The following HSPBAP1 variants were observed in gnomAD, a reference collection of about 807,000 sequenced individuals.
HSPBAP1 encodes the protein HSPB1 associated protein 1.
In HSPBAP1, 27 loss-of-function variants were observed where a neutral mutation model predicts 45.2. That is an observed-to-expected ratio of 0.60 (90% confidence interval 0.44 to 0.82). The LOEUF is 0.82. Ranked by LOEUF, HSPBAP1 falls within the 40% of genes least tolerant of loss-of-function variation. HSPBAP1 has a pLI of 0.00. For synonymous variants in HSPBAP1, 204 were observed against 202.7 expected (o/e 1.01, Z -0.06); for missense variants, 510 against 590.9 (o/e 0.86, Z 1.42).
In HSPBAP1 at chr3:122,793,714, G is replaced by A. The variant is rs1935912818; in HGVS notation, c.-34C>T. ...CAAGGCGGGTTCTGCCGGAACCCAA[G>A]GCGGAGCGGAGCTGGGGTGGGGTCA... On this transcript the variant is annotated 5_prime_UTR_variant, in exon 1 of 8. Coordinates refer to ENST00000306103, the MANE Select transcript of HSPBAP1 (RefSeq NM_024610.6). 6.2e-7 allele frequency: 1 copy of A among 1,609,218 alleles called. No homozygotes were observed. Among genetic ancestry groups the A allele is most frequent in the Non-Finnish European group, 8.5e-7 (1 of 1,176,344 alleles).
Position 122,768,864 on chromosome 3 carries a change from G to A in HSPBAP1, c.269C>T (p.Thr90Ile). 1 of 1,609,586 alleles carries A rather than the reference G, an allele frequency of 6.2e-7. No individual in the cohort carries two copies. Among genetic ancestry groups the A allele is most frequent in the Non-Finnish European group, 8.5e-7 (1 of 1,176,220 alleles). The change falls in exon 3 of 8, where the codon ACA becomes ATA. Residue 90 changes from threonine to isoleucine, a missense_variant. Thr to Ile is a moderately conservative substitution (Grantham distance 89). Coordinates refer to ENST00000306103, the MANE Select transcript of HSPBAP1 (RefSeq NM_024610.6). ...SMSTVPQFET[T>I]CNYVEATLEE... The stretch of plus-strand genomic sequence containing the variant: ...GAGTGTAGCTTCTACGTAATTACAT[G>A]TAGTTTCAAACTGAGGAACTGCAAT...
At chr3:122,758,758 A>G (rs1372881852) in intron 4 of HSPBAP1, 5 of 454,844 alleles carry the variant, frequency 1.1e-5, no homozygotes, top group African/African-American at 2.0e-5. Context: ...TTAGCTGGGC[A>G]TACTGGCACA....
intron 1 of HSPBAP1, among the ~76,000 whole-genome samples, chr3:122,780,326 C>T (rs1198988411): frequency 9.6e-6 from 1 of 104,220 alleles, no homozygotes; most frequent in Non-Finnish European, 2.0e-5. Flanking sequence ...GCTGGCCGGG[C>T]GGGGGGCTGA....
intron 6 of HSPBAP1, among the ~76,000 whole-genome samples, chr3:122,752,285 T>C (rs779658638): frequency 6.6e-6 from 1 of 151,940 alleles, no homozygotes; most frequent in Non-Finnish European, 1.5e-5. Flanking sequence ...TATCGGCAAA[T>C]CTGGCCAGGC....
At chr3:122,775,272 T>C (rs1246748744) in intron 2 of HSPBAP1, among the ~76,000 whole-genome samples, 8 of 152,134 alleles carry the variant, frequency 5.3e-5, no homozygotes. Context: ...ATCCAGAATA[T>C]ATAAAGAACT....
intron 6 of HSPBAP1, among the ~76,000 whole-genome samples, chr3:122,744,146 G>C (rs1933767758): frequency 6.6e-6 from 1 of 152,114 alleles, no homozygotes; most frequent in Non-Finnish European, 1.5e-5. Flanking sequence ...AAGGAAAAAT[G>C]CTGAGAATGA....
intron 2 of HSPBAP1, among the ~76,000 whole-genome samples, chr3:122,774,529 T>A (rs1187213986): frequency 6.6e-6 from 1 of 152,222 alleles, no homozygotes; most frequent in Admixed American, 6.5e-5. Context: ...AATGGACATT[T>A]TGGTCTTTAG....
rs1174926524 is a variant in HSPBAP1, at chr3:122,747,743, G to A, written c.825+4848C>T. 4.2e-5 allele frequency among the ~76,000 whole-genome samples: 6 copies of A among 142,288 alleles called. No homozygotes were observed. In the East Asian group the frequency reaches 6.6e-4, roughly 16 times the overall value. 93.3% of individuals were successfully genotyped at this position (142,288 alleles called of 152,430 possible). On this transcript the variant is annotated intron_variant, in intron 6 of 7. Coordinates refer to ENST00000306103, the MANE Select transcript of HSPBAP1 (RefSeq NM_024610.6). ...GCCCCTCTGCCCGGCCAGCCGCCCC[G>A]TCCCGGAGGGAGGTGGGGGGGTCAG...
intron 1 of HSPBAP1, among the ~76,000 whole-genome samples, chr3:122,785,693 G>A (rs1553757566): frequency 6.6e-6 from 1 of 152,106 alleles, no homozygotes; most frequent in Non-Finnish European, 1.5e-5. Context: ...TCCTTACCAT[G>A]CCTTAACAAG....
intron 4 of HSPBAP1, among the ~76,000 whole-genome samples, chr3:122,758,587 A>G (rs1042651472): frequency 6.6e-6 from 1 of 152,190 alleles, no homozygotes; most frequent in Admixed American, 6.5e-5. Context: ...TTTAAATAAA[A>G]GTTTGAAAAC....
At chr3:122,759,794 T>G (rs1191686741) in intron 3 of HSPBAP1, among the ~76,000 whole-genome samples, 8 of 152,214 alleles carry the variant, frequency 5.3e-5, no homozygotes, top group Admixed American at 5.2e-4. Flanking sequence ...CAAATATCTC[T>G]GAGACACAAC....
Position 122,759,218 on chromosome 3 carries a change from C to CACA in HSPBAP1, c.569+5_569+6insTGT, listed in dbSNP as rs752606517. On this transcript the variant is annotated splice_donor_region_variant and intron_variant, in intron 4 of 7. Coordinates refer to ENST00000306103, the MANE Select transcript of HSPBAP1 (RefSeq NM_024610.6). ...ACACACACACACACACACACACACA[C>CACA]ATTACCTTCCTTGTACCTGGAATAC... 2.2e-5 allele frequency: 36 copies of CACA among 1,608,716 alleles called. No homozygotes were observed. The East Asian group carries it at 4.7e-4, about 21-fold the overall frequency.
Position 122,759,185 on chromosome 3 carries a change from CCACACACA to C in HSPBAP1, c.569+31_569+38del, listed in dbSNP as rs10657578. ...TATTGCATGCATGCACATGTGCGTTCCACACACACACACACACACACACACACACACAC... is the reference window on the plus strand; with the variant it reads ...TATTGCATGCATGCACATGTGCGTTCCACACACACACACACACACACACAC... On this transcript the variant is annotated intron_variant, in intron 4 of 7. Transcript: ENST00000306103. 7.2e-5 allele frequency: 105 copies of C among 1,463,942 alleles called. No homozygotes were observed. In the African/African-American group the frequency reaches 1.0e-3, roughly 14 times the overall value. The allele number at this position is 1,463,942 out of a possible 1,614,324, so 90.7% of individuals were successfully genotyped here. A position where few individuals can be genotyped will look rare whatever the true frequency, so the allele number is the denominator to read the frequency against.
chr3:122,752,512 G>A (rs572731680), intron 6 of HSPBAP1, 79 bp downstream of exon 6: 103 of 824,598 alleles, frequency 1.2e-4, no homozygotes, highest in Non-Finnish European at 1.8e-4. Flanking sequence ...TTACCCAGTT[G>A]TACAGCCAGA....
At position 122,793,782 on chromosome 3, in the gene HSPBAP1, A is replaced by C; in HGVS notation, c.-102T>G. ...CGAGACCCGAAGCTGCACCACAGGA[A>C]GGAGCCCCGGCGACTCCCGCCCGGC... On this transcript the variant is annotated 5_prime_UTR_variant, in exon 1 of 8. Transcript: ENST00000306103. The C allele has an allele frequency of 8.8e-7, 1 of 1,131,914 alleles. No individual in the cohort carries two copies. Among genetic ancestry groups the C allele is most frequent in the Non-Finnish European group, 1.3e-6 (1 of 775,096 alleles). The allele number at this position is 1,131,914 out of a possible 1,614,324, so 70.1% of individuals were successfully genotyped here.
At position 122,793,575 on chromosome 3, in the gene HSPBAP1, A is replaced by G. The variant is rs773970235; in HGVS notation, c.64+42T>C. On this transcript the variant is annotated intron_variant, in intron 1 of 7. Transcript: ENST00000306103. ...AGGGGTGCCACGAGAGTCAACTGGCATTGGGTTTGTACTCAGGGTCGGACC... is the reference window on the plus strand; with the variant it reads ...AGGGGTGCCACGAGAGTCAACTGGCGTTGGGTTTGTACTCAGGGTCGGACC... 6.9e-6 allele frequency: 11 copies of G among 1,592,814 alleles called. No individual in the cohort carries two copies. The South Asian group carries it at 1.1e-4, about 16-fold the overall frequency.
At chr3:122,775,879 A>G (rs1935177435) in intron 2 of HSPBAP1, among the ~76,000 whole-genome samples, 1 of 152,274 alleles carries the variant, frequency 6.6e-6, no homozygotes, top group African/African-American at 2.4e-5. Flanking sequence ...ACGTCCATCA[A>G]CTGAATAGAT....
At chr3:122,748,228 A>T (rs1427085531) in intron 6 of HSPBAP1, among the ~76,000 whole-genome samples, 1 of 152,182 alleles carries the variant, frequency 6.6e-6, no homozygotes, top group African/African-American at 2.4e-5. Flanking sequence ...TCAAGTACCC[A>T]GGGACACAAA....
chr3:122,779,492 T>TTTATTTA (rs755495858), intron 1 of HSPBAP1, among the ~76,000 whole-genome samples: 2 of 144,318 alleles, frequency 1.4e-5, no homozygotes, highest in African/African-American at 5.1e-5. Context: ...ATATGTTTTC[T>TTTATTTA]TTTATTTATT....
Sources: allele counts gnomAD v4.1 joint callset (sites outside exome capture counted in the v4.1 genomes callset), GRCh38; gene constraint gnomAD v4.1.1; transcripts MANE v1.5; gene names NCBI Gene and HGNC (gene_info 2026-07-23, HGNC 2026-07-21).